The following RASGRF2 variants were observed in gnomAD, a reference collection of about 807,000 sequenced individuals.
The protein encoded by RASGRF2 is Ras protein specific guanine nucleotide releasing factor 2.
RASGRF2 carries 76 observed loss-of-function variants against 151.0 expected under a neutral mutation model. The ratio of observed to expected loss-of-function variants is 0.50; its 90% CI spans 0.42 to 0.61. RASGRF2 has a LOEUF of 0.61. Among genes scored for constraint, RASGRF2 ranks in the 20% least tolerant of loss-of-function variants. RASGRF2 has a pLI of 0.00. For missense variants in RASGRF2, 1,148 were observed against 1,564.6 expected, an observed-to-expected ratio of 0.73 and a Z score of 4.49; for synonymous variants, 504 against 566.5, an observed-to-expected ratio of 0.89 and a Z score of 1.57.
chr5:81,069,625 C>A (rs773554318), intron 3 of RASGRF2, among the ~76,000 whole-genome samples: 2 of 152,226 alleles, frequency 1.3e-5, no homozygotes, highest in African/African-American at 2.4e-5. Context: ...CTTCTCTGGT[C>A]TCTTGACAGG....
At chr5:81,149,488 AG>A (rs1454984066) in intron 17 of RASGRF2, among the ~76,000 whole-genome samples, 1 of 147,858 alleles carries the variant, frequency 6.8e-6, no homozygotes, top group Non-Finnish European at 1.5e-5. Flanking sequence ...GAAGGGTGGG[AG>A]GGGAGGAGGG....
intron 26 of RASGRF2, among the ~76,000 whole-genome samples, chr5:81,224,947 A>G (rs565863940): frequency 6.6e-6 from 1 of 152,366 alleles, no homozygotes; most frequent in South Asian, 2.1e-4. Flanking sequence ...CATGAAATGT[A>G]TGTAAGTTAC....
At chr5:80,998,811 G>A (rs533336310) in intron 1 of RASGRF2, among the ~76,000 whole-genome samples, 3 of 152,336 alleles carry the variant, frequency 2.0e-5, no homozygotes, top group South Asian at 2.1e-4. Context: ...CCCAGTAGGC[G>A]AAGAGCAGGA....
At chr5:81,208,893 A>G (rs1255390148) in intron 22 of RASGRF2, among the ~76,000 whole-genome samples, 2 of 152,174 alleles carry the variant, frequency 1.3e-5, no homozygotes, top group African/African-American at 2.4e-5. Flanking sequence ...ATTGACGACA[A>G]GCTTAAATCT....
chr5:81,178,621 AC>A (rs934699208), intron 17 of RASGRF2, among the ~76,000 whole-genome samples: 1 of 152,206 alleles, frequency 6.6e-6, no homozygotes, highest in African/African-American at 2.4e-5. Context: ...GGATATAGGG[AC>A]ATGAAGGTTA....
chr5:81,047,429 C>A (rs1259283123), intron 2 of RASGRF2, among the ~76,000 whole-genome samples: 1 of 152,212 alleles, frequency 6.6e-6, no homozygotes, highest in Non-Finnish European at 1.5e-5. Context: ...GCACACCCTG[C>A]AGATGGCTTG....
chr5:80,960,674 C>A lies in RASGRF2; in HGVS notation c.-65C>A, dbSNP rs1747513962. On this transcript the variant is annotated 5_prime_UTR_variant, in exon 1 of 27. In the 5' UTR this introduces an upstream ATG that the reference lacks. Coordinates refer to ENST00000265080, the MANE Select transcript of RASGRF2 (RefSeq NM_006909.3). The surrounding 1 kb of genome is among the most constrained non-coding windows in gnomAD (Gnocchi z 5.5). Reference sequence around the variant, plus strand: ...GCGGTCGCGCCCTCGAGGGAGCCAGCTGGGCCATGGCCGCGAGGCAGGGGT... The same window carrying A: ...GCGGTCGCGCCCTCGAGGGAGCCAGATGGGCCATGGCCGCGAGGCAGGGGT... The A allele has an allele frequency of 7.5e-7, 1 of 1,340,074 alleles. No individual in the cohort carries two copies. The highest frequency in any genetic ancestry group is 9.7e-7 in the Non-Finnish European group (1 of 1,028,514). The allele number at this position is 1,340,074 out of a possible 1,614,324, so 83.0% of individuals were successfully genotyped here. A position where few individuals can be genotyped will look rare whatever the true frequency, so the allele number is the denominator to read the frequency against.
chr5:81,198,257 T>G (rs1201706469), intron 18 of RASGRF2, among the ~76,000 whole-genome samples: 1 of 152,142 alleles, frequency 6.6e-6, no homozygotes, highest in East Asian at 1.9e-4. Flanking sequence ...TTCCAGCCCT[T>G]GCCCCCACCT....
At chr5:80,993,172 C>CA (rs1051010889) in intron 1 of RASGRF2, among the ~76,000 whole-genome samples, 1 of 152,130 alleles carries the variant, frequency 6.6e-6, no homozygotes, top group African/African-American at 2.4e-5. Flanking sequence ...GCCCAAATGA[C>CA]AGAGTCTAAG....
intron 10 of RASGRF2, among the ~76,000 whole-genome samples, chr5:81,093,918 T>G (rs906499795): frequency 6.6e-6 from 1 of 152,126 alleles, no homozygotes; most frequent in African/African-American, 2.4e-5. Flanking sequence ...TTATTATTGC[T>G]TATAAATATT....
intron 17 of RASGRF2, among the ~76,000 whole-genome samples, chr5:81,149,595 G>A (rs1754088268): frequency 6.6e-6 from 1 of 151,272 alleles, no homozygotes; most frequent in Non-Finnish European, 1.5e-5. Flanking sequence ...CATGTAACCA[G>A]AAACCACCTG....
chr5:81,121,039 G>A (rs1243990240), intron 15 of RASGRF2, among the ~76,000 whole-genome samples: 2 of 151,998 alleles, frequency 1.3e-5, no homozygotes, highest in Admixed American at 1.3e-4. Flanking sequence ...AATACTGGTC[G>A]TGAATAGTTT....
intron 19 of RASGRF2, among the ~76,000 whole-genome samples, chr5:81,205,474 GGA>G (rs1331989594): frequency 2.0e-5 from 3 of 152,240 alleles, no homozygotes; most frequent in Admixed American, 6.5e-5. Flanking sequence ...TTAGGATACA[GGA>G]GATAGTGCAT....
At chr5:81,173,377 C>A (rs1391075492) in intron 17 of RASGRF2, among the ~76,000 whole-genome samples, 1 of 151,736 alleles carries the variant, frequency 6.6e-6, no homozygotes, top group Non-Finnish European at 1.5e-5. Flanking sequence ...GATTCTGTCT[C>A]AAAAAAATAA....
Position 81,022,503 on chromosome 5 carries a change from G to A in RASGRF2, c.289-20374G>A, listed in dbSNP as rs148845405. ...ATTGTGTGAGAGGATGTCCTCCAGA[G>A]CCCCTGAGGGAAGTGGCACTGAAGC... On this transcript the variant is annotated intron_variant, in intron 1 of 26. Transcript: ENST00000265080. 1.5e-4 allele frequency among the ~76,000 whole-genome samples: 23 copies of A among 152,318 alleles called. No individual in the cohort carries two copies. The East Asian group carries it at 3.7e-3, about 24-fold the overall frequency.
rs6893326 is a variant in RASGRF2, at chr5:81,151,155, G to A, written c.2686+23992G>A. Among the ~76,000 whole-genome samples, 581 of 152,304 alleles carry A rather than the reference G, an allele frequency of 3.8e-3. 4 individuals are homozygous for A. Among genetic ancestry groups the A allele is most frequent in the African/African-American group, 0.014 (565 of 41,568 alleles). On this transcript the variant is annotated intron_variant, in intron 17 of 26. Transcript: ENST00000265080. ...AAGTATTAGGTGTCACAAGATATCT[G>A]ACTGCGAAGAACCAAAGAGAGGGGA...
intron 1 of RASGRF2, 80 bp downstream of exon 1, chr5:80,961,106 CG>C: frequency 7.3e-7 from 1 of 1,372,256 alleles, no homozygotes; most frequent in Non-Finnish European, 9.5e-7. Flanking sequence ...GATCAGGGGT[CG>C]GGGGTCGTGA....
intron 12 of RASGRF2, among the ~76,000 whole-genome samples, chr5:81,101,551 A>G (rs1169067308): frequency 6.6e-6 from 1 of 151,984 alleles, no homozygotes; most frequent in Non-Finnish European, 1.5e-5. Flanking sequence ...ACTCATTTTG[A>G]AAACCATTCC....
chr5:80,982,632 G>A (rs905934554), intron 1 of RASGRF2, among the ~76,000 whole-genome samples: 43 of 88,170 alleles, frequency 4.9e-4, no homozygotes, highest in Non-Finnish European at 7.6e-4. Flanking sequence ...ACAGAGTCTC[G>A]CTCTGTTGCC....
Sources: allele counts gnomAD v4.1 joint callset (sites outside exome capture counted in the v4.1 genomes callset), GRCh38; gene constraint gnomAD v4.1.1; non-coding constraint Gnocchi (gnomAD v3.1); transcripts MANE v1.5; gene names NCBI Gene and HGNC (gene_info 2026-07-23, HGNC 2026-07-21).